Variants in CLASP2 observed in about 807,000 individuals in gnomAD.
The protein encoded by CLASP2 is CLIP-associating protein 2.
Under a neutral mutation model 194.4 loss-of-function variants are expected in CLASP2, and 47 were observed. The ratio of observed to expected loss-of-function variants is 0.24; its 90% CI spans 0.19 to 0.31. The LOEUF is 0.31. CLASP2 is among the 10% of genes least tolerant of loss of function. The probability of loss-of-function intolerance (pLI) is 1.00; values close to 1 mark genes in which losing one functional copy is unlikely to be tolerated. For missense variants in CLASP2, 1,445 were observed against 1,823.6 expected (o/e 0.79, Z 3.78); for synonymous variants, 619 against 633.5 (o/e 0.98, Z 0.34).
intron 29 of CLASP2, among the ~76,000 whole-genome samples, chr3:33,553,955 A>C (rs188547885): frequency 6.6e-6 from 1 of 152,228 alleles, no homozygotes; most frequent in Non-Finnish European, 1.5e-5. Context: ...GGCCAGGCGC[A>C]GTGGCTCACG....
At chr3:33,589,266 A>G (rs1475956746) in intron 21 of CLASP2, among the ~76,000 whole-genome samples, 1 of 152,040 alleles carries the variant, frequency 6.6e-6, no homozygotes, top group Non-Finnish European at 1.5e-5. Flanking sequence ...AAAGAGACAC[A>G]ATTTTGTCAT....
chr3:33,561,022 C>T, intron 27 of CLASP2, 51 bp from the exon 28 acceptor site: 1 of 1,488,950 alleles, frequency 6.7e-7, no homozygotes. Context: ...GAAATATTGA[C>T]CTCTATGTTC....
In CLASP2 at chr3:33,626,992, T is replaced by A; in HGVS notation, c.1031A>T (p.Asn344Ile). 1 of 1,577,222 alleles carries A rather than the reference T, an allele frequency of 6.3e-7. No homozygotes were observed. Among genetic ancestry groups the A allele is most frequent in the Non-Finnish European group, 8.6e-7 (1 of 1,158,234 alleles). ...DDKHDWDQRA[N>I]ALKKIRSLLV... ...AAATTAAAGACAAAAACTTACTGCA[T>A]TGGCACGCTGATCCCAGTCATGTTT... Residue 344 changes from asparagine (N) to isoleucine (I), a missense_variant, in exon 10 of 39, where the codon AAT becomes ATT. Transcript: ENST00000682230.
intron 11 of CLASP2, 135 bp from the exon 12 acceptor site, chr3:33,619,873 GAAGA>G (rs1169368213): frequency 1.8e-5 from 13 of 707,850 alleles, no homozygotes; most frequent in Non-Finnish European, 2.6e-5. Flanking sequence ...CAGAAAAACA[GAAGA>G]AAGAAAGGGA....
intron 21 of CLASP2, chr3:33,588,673 C>T (rs1468162435): frequency 4.3e-6 from 3 of 701,004 alleles, no homozygotes; most frequent in African/African-American, 3.5e-5. Flanking sequence ...GATCAAACAA[C>T]AGATGCACAC....
chr3:33,552,832 T>C (rs1322932186), intron 29 of CLASP2, among the ~76,000 whole-genome samples: 1 of 152,180 alleles, frequency 6.6e-6, no homozygotes, highest in African/African-American at 2.4e-5. Context: ...TCTGCAACTT[T>C]GAATACTTTG....
At chr3:33,659,722 C>CT (rs2084965150) in intron 7 of CLASP2, 1 of 152,280 alleles carries the variant, frequency 6.6e-6, no homozygotes, top group Non-Finnish European at 1.5e-5. Flanking sequence ...CAATGCGCAG[C>CT]TGCAGGGGCG....
Position 33,666,534 on chromosome 3 carries a change from G to A in CLASP2, c.645-3019C>T, listed in dbSNP as rs143185628. Among the ~76,000 whole-genome samples, 18 of 152,316 alleles carry A rather than the reference G, an allele frequency of 1.2e-4. No homozygotes were observed. The East Asian group carries it at 3.5e-3, about 29-fold the overall frequency. ...TTCAAGGTTGATGCATGATGTATCAGTCATCCCTGTTGTGACCAAATAATA... is the reference window on the plus strand; with the variant it reads ...TTCAAGGTTGATGCATGATGTATCAATCATCCCTGTTGTGACCAAATAATA... On this transcript the variant is annotated intron_variant, in intron 6 of 38. Transcript: ENST00000682230.
At chr3:33,637,702 G>A (rs1345159098) in intron 8 of CLASP2, among the ~76,000 whole-genome samples, 2 of 152,150 alleles carry the variant, frequency 1.3e-5, no homozygotes, top group Non-Finnish European at 2.9e-5. Flanking sequence ...CAGATAGGTG[G>A]AGGAAAAAAA....
At chr3:33,539,122 C>T (rs2057890701) in intron 32 of CLASP2, among the ~76,000 whole-genome samples, 180 bp from the exon 33 acceptor site, 1 of 152,130 alleles carries the variant, frequency 6.6e-6, no homozygotes, top group Non-Finnish European at 1.5e-5. Context: ...CTTTGTCCTT[C>T]CACCAAGGAC....
In CLASP2 at chr3:33,604,109, T is replaced by C. The variant is rs758569017; in HGVS notation, c.1750+45A>G. On this transcript the variant is annotated intron_variant, in intron 17 of 38. Transcript: ENST00000682230. ...TCAAAAGAGTTTGAAGGCTACTGTT[T>C]CAAAGATAAAATAGGTTATAACTCT... 9 of 1,410,832 alleles carry C rather than the reference T, an allele frequency of 6.4e-6. No homozygotes were observed. The Admixed American group carries it at 1.7e-4, about 26-fold the overall frequency. 87.4% of individuals were successfully genotyped at this position (1,410,832 alleles called of 1,614,324 possible). A position where few individuals can be genotyped will look rare whatever the true frequency, so the allele number is the denominator to read the frequency against.
At chr3:33,578,911 C>A (rs1169785807) in intron 23 of CLASP2, among the ~76,000 whole-genome samples, 1 of 152,092 alleles carries the variant, frequency 6.6e-6, no homozygotes, top group Non-Finnish European at 1.5e-5. Flanking sequence ...GCTTTAGGGC[C>A]CTCAGGCTAA....
chr3:33,568,781 T>C (rs1465011563), intron 26 of CLASP2, among the ~76,000 whole-genome samples: 1 of 151,878 alleles, frequency 6.6e-6, no homozygotes, highest in Non-Finnish European at 1.5e-5. Flanking sequence ...TAGAACAAAA[T>C]TGCATTCAGA....
chr3:33,639,373 G>T (rs1323079674), intron 8 of CLASP2, among the ~76,000 whole-genome samples: 1 of 152,128 alleles, frequency 6.6e-6, no homozygotes, highest in Non-Finnish European at 1.5e-5. Flanking sequence ...CCTCTTTGTT[G>T]ATTAACGTGG....
intron 6 of CLASP2, among the ~76,000 whole-genome samples, chr3:33,670,153 G>C (rs1361642455): frequency 6.6e-6 from 1 of 151,908 alleles, no homozygotes; most frequent in Non-Finnish European, 1.5e-5. Flanking sequence ...AATTTTAACA[G>C]AAAGAAGTCA....
chr3:33,596,644 C>T, intron 19 of CLASP2, 67 bp downstream of exon 19: 1 of 1,062,752 alleles, frequency 9.4e-7, no homozygotes, highest in East Asian at 2.6e-5. Flanking sequence ...GAAGAATGAA[C>T]AAGGATATTA....
At chr3:33,531,871 T>A (rs2056395042) in intron 34 of CLASP2, among the ~76,000 whole-genome samples, 1 of 152,110 alleles carries the variant, frequency 6.6e-6, no homozygotes, top group Non-Finnish European at 1.5e-5. Context: ...AACAATGAAA[T>A]AACTAGTATT....
In CLASP2 at chr3:33,684,342, A is replaced by T; in HGVS notation, c.644+17T>A. On this transcript the variant is annotated intron_variant, in intron 6 of 38. Transcript: ENST00000682230. ...GTGGTGAAAAAAAAAAAAAGAACCA[A>T]ATTTAGCAAGACTTACCTAGCAGGG... 6.7e-7 allele frequency: 1 copy of T among 1,500,888 alleles called. No individual in the cohort carries two copies. Among genetic ancestry groups the T allele is most frequent in the Non-Finnish European group, 9.0e-7 (1 of 1,112,682 alleles). The allele number at this position is 1,500,888 out of a possible 1,614,324, so 93.0% of individuals were successfully genotyped here.
intron 32 of CLASP2, among the ~76,000 whole-genome samples, chr3:33,539,627 G>A (rs1251168213): frequency 3.3e-5 from 5 of 152,012 alleles, no homozygotes; most frequent in Non-Finnish European, 5.9e-5. Flanking sequence ...GAGCCACTGC[G>A]CCCAGCCCAT....
Sources: gnomAD v4.1 joint callset for allele counts (sites outside exome capture counted in the v4.1 genomes callset) on GRCh38, gnomAD v4.1.1 for gene constraint, MANE v1.5 for transcripts, NCBI Gene and HGNC (gene_info 2026-07-23, HGNC 2026-07-21) for gene names.